Variants in RTTN observed in about 807,000 individuals in gnomAD.
The protein encoded by RTTN is rotatin.
RTTN carries 182 observed loss-of-function variants against 269.2 expected under a neutral mutation model. The observed-to-expected ratio is 0.68, with a 90% CI of 0.60 to 0.76. The LOEUF (loss-of-function observed/expected upper bound fraction) is 0.76, where lower values mean the gene tolerates loss of function less well. RTTN is among the 30% of genes least tolerant of loss of function. The pLI, the probability that RTTN is intolerant of heterozygous loss-of-function variation, is 0.00. For synonymous variants in RTTN, 1,006 were observed against 963.5 expected (o/e 1.04, Z -0.82); for missense variants, 2,545 against 2,608.6 (o/e 0.98, Z 0.53).
chr18:70,155,733 G>A (rs977103356), intron 14 of RTTN, among the ~76,000 whole-genome samples: 5 of 152,256 alleles, frequency 3.3e-5, no homozygotes, highest in African/African-American at 1.2e-4. Flanking sequence ...GGAAGTCAGG[G>A]ACCCCGAACG....
chr18:70,021,577 C>A (rs1350405921), intron 44 of RTTN, among the ~76,000 whole-genome samples: 1 of 152,084 alleles, frequency 6.6e-6, no homozygotes, highest in Non-Finnish European at 1.5e-5. Flanking sequence ...AAAAGATATA[C>A]TAGTGGAGCT....
chr18:70,051,429 G>C lies in RTTN; in HGVS notation c.5305C>G (p.His1769Asp). ...TTCTTACCAATCGCCGCTGTCCAGT[G>C]CTTGGCCAGGGCCACGGTAACAAAC... ...LPFVTVALAK[H>D]WTAAIDMFCT... Residue 1769 changes from histidine to aspartate, a missense_variant, in exon 39 of 49, where the codon CAC becomes GAC. By Grantham distance (81) the His-to-Asp change is moderately conservative (BLOSUM62 -1). Coordinates refer to ENST00000640769, the MANE Select transcript of RTTN (RefSeq NM_173630.4). 6.2e-7 allele frequency: 1 copy of C among 1,613,394 alleles called. No homozygotes were observed.
intron 25 of RTTN, among the ~76,000 whole-genome samples, chr18:70,124,944 T>C (rs1159008527): frequency 2.6e-5 from 4 of 152,026 alleles, no homozygotes; most frequent in East Asian, 3.8e-4. Context: ...CAGAAACTAG[T>C]TGAAAGAAGA....
chr18:70,108,045 C>T (rs551557893), intron 28 of RTTN, among the ~76,000 whole-genome samples: 1 of 152,296 alleles, frequency 6.6e-6, no homozygotes. Context: ...GAGGCCAAGA[C>T]GGGTGTGGAT....
At position 70,128,524 on chromosome 18, in the gene RTTN, T is replaced by C. The variant is rs1339655394; in HGVS notation, c.2977A>G (p.Ile993Val). The C allele has an allele frequency of 1.2e-6, 2 of 1,612,646 alleles. No homozygotes were observed. The highest frequency in any genetic ancestry group is 1.7e-4 in the Middle Eastern group (1 of 6,046). ...FRRYHLPVHV[I>V]GHHAVSPYSI... ...TAAGGACTCACAGCATGGTGTCCAA[T>C]TACATGAACAGGTAGATGGTACCTA... is the stretch of plus-strand genomic sequence containing the variant. Residue 993 changes from isoleucine (I) to valine (V), a missense_variant, in exon 24 of 49, where the codon ATT (isoleucine) becomes GTT (valine). Physicochemically the swap from Ile to Val is conservative, Grantham distance 29. Transcript: ENST00000640769.
At chr18:70,068,275 T>C (rs1423952464) in intron 34 of RTTN, among the ~76,000 whole-genome samples, 1 of 152,186 alleles carries the variant, frequency 6.6e-6, no homozygotes, top group Admixed American at 6.5e-5. Context: ...TGGCATTAAG[T>C]ATTAGCTACT....
At chr18:70,073,814 C>T (rs1204066542) in intron 34 of RTTN, 92 bp downstream of exon 34, 4 of 876,978 alleles carry the variant, frequency 4.6e-6, no homozygotes, top group Non-Finnish European at 7.5e-6. Flanking sequence ...GCTGTTATAA[C>T]CTTACACTTT....
chr18:70,059,908 C>A lies in RTTN; in HGVS notation c.4882G>T (p.Ala1628Ser), dbSNP rs1412578063. Residue 1628 changes from alanine to serine, a missense_variant, in exon 36 of 49, where the codon GCT becomes TCT. Transcript: ENST00000640769. ...AAAGCCTTTGCAGTGTCTCTGGGAG[C>A]AATCGTCAAGAGGTTGTCCAAGAGG... is the stretch of plus-strand genomic sequence containing the variant. ...CSLLDNLLTI[A>S]PRDTAKAFRQ... 4 of 1,613,344 alleles carry A rather than the reference C, an allele frequency of 2.5e-6. No homozygotes were observed. The highest frequency in any genetic ancestry group is 3.4e-6 in the Non-Finnish European group (4 of 1,179,576).
rs2056109565 is a variant in RTTN at position 70,004,222 on chromosome 18, C to T, written c.6610G>A (p.Glu2204Lys). 5.0e-6 allele frequency: 8 copies of T among 1,613,240 alleles called. No homozygotes were observed. In the Admixed American group the frequency reaches 1.0e-4, roughly 20 times the overall value. Residue 2204 changes from glutamate to lysine, a missense_variant, in exon 49 of 49, where the codon GAA (glutamate) becomes AAA (lysine). By Grantham distance (56) the Glu-to-Lys change is moderately conservative. Transcript: ENST00000640769. Reference protein sequence around the residue: ...SLAKKTFPNSEANPLNAYYLK... With the variant: ...SLAKKTFPNSKANPLNAYYLK... Reference sequence around the variant, plus strand: ...TAATAGGCATTTAGAGGGTTTGCTTCTGAGTTTGGGAAAGCTGAGATAGAA... The same window carrying T: ...TAATAGGCATTTAGAGGGTTTGCTTTTGAGTTTGGGAAAGCTGAGATAGAA...
At chr18:70,193,994 A>C (rs1042726229) in intron 7 of RTTN, among the ~76,000 whole-genome samples, 3 of 152,252 alleles carry the variant, frequency 2.0e-5, no homozygotes, top group Admixed American at 6.5e-5. Flanking sequence ...GAAAGTGTTA[A>C]GATAACTTAT....
chr18:70,051,242 T>G (rs1384425030), intron 39 of RTTN, among the ~76,000 whole-genome samples, 169 bp downstream of exon 39: 3 of 152,212 alleles, frequency 2.0e-5, no homozygotes, highest in African/African-American at 7.2e-5. Flanking sequence ...AATGCATTTT[T>G]GGGGGGCTCA....
intron 23 of RTTN, among the ~76,000 whole-genome samples, chr18:70,132,917 C>T (rs144641279): frequency 1.6e-4 from 25 of 152,218 alleles, no homozygotes; most frequent in African/African-American, 5.8e-4. Flanking sequence ...ATTGAGGTAA[C>T]TCTCTGTCCC....
At chr18:70,071,997 A>G (rs1012411491) in intron 34 of RTTN, among the ~76,000 whole-genome samples, 2 of 152,212 alleles carry the variant, frequency 1.3e-5, no homozygotes, top group Admixed American at 6.5e-5. Flanking sequence ...TGTAACTTCA[A>G]CATTTTTTTA....
chr18:70,145,138 G>A (rs2060355875), intron 18 of RTTN, among the ~76,000 whole-genome samples: 1 of 152,280 alleles, frequency 6.6e-6, no homozygotes, highest in South Asian at 2.1e-4. Context: ...GAGGGATCTT[G>A]GCTGGCTGCT....
At chr18:70,131,586 A>C (rs541717917) in intron 23 of RTTN, 1 of 152,060 alleles carries the variant, frequency 6.6e-6, no homozygotes, top group South Asian at 2.1e-4. Context: ...CATGCCTGTA[A>C]TCCCAACACT....
chr18:70,073,291 T>G lies in RTTN; in HGVS notation c.4653+615A>C, dbSNP rs548333078. Among the ~76,000 whole-genome samples, 7 of 152,168 alleles carry G rather than the reference T, an allele frequency of 4.6e-5. No homozygotes were observed. In the South Asian group the frequency reaches 1.5e-3, roughly 32 times the overall value. On this transcript the variant is annotated intron_variant, in intron 34 of 48. Coordinates refer to ENST00000640769, the MANE Select transcript of RTTN (RefSeq NM_173630.4). Reference sequence around the variant, plus strand: ...CAAACTTTTCTGCAAAAAAAGCAACTAATGCATGAATGAAAGGGGAAGGAA... The same window carrying G: ...CAAACTTTTCTGCAAAAAAAGCAACGAATGCATGAATGAAAGGGGAAGGAA...
intron 25 of RTTN, among the ~76,000 whole-genome samples, chr18:70,126,562 T>A (rs569783465): frequency 6.6e-6 from 1 of 152,156 alleles, no homozygotes; most frequent in Non-Finnish European, 1.5e-5. Context: ...GTAGTGCATA[T>A]GTATGCATAA....
intron 35 of RTTN, among the ~76,000 whole-genome samples, 182 bp downstream of exon 35, chr18:70,065,647 T>C (rs1244147079): frequency 2.0e-5 from 3 of 152,230 alleles, no homozygotes; most frequent in Admixed American, 1.3e-4. Flanking sequence ...CCAAATTCCA[T>C]TTATTAGTTA....
chr18:70,117,389 T>C (rs1453225470), intron 26 of RTTN, among the ~76,000 whole-genome samples: 1 of 152,104 alleles, frequency 6.6e-6, no homozygotes, highest in Non-Finnish European at 1.5e-5. Flanking sequence ...GGTAGTTATA[T>C]AACATATATT....
Sources: allele counts gnomAD v4.1 joint callset (sites outside exome capture counted in the v4.1 genomes callset), GRCh38; gene constraint gnomAD v4.1.1; transcripts MANE v1.5; gene names NCBI Gene and HGNC (gene_info 2026-07-23, HGNC 2026-07-21).